Variants in RPRD1B observed in about 807,000 individuals in gnomAD.
The protein encoded by RPRD1B is regulation of nuclear pre-mRNA domain containing 1B.
Under a neutral mutation model 41.5 loss-of-function variants are expected in RPRD1B, and 11 were observed. That is an observed-to-expected ratio of 0.27 (90% CI 0.17 to 0.44). The LOEUF (loss-of-function observed/expected upper bound fraction) is 0.44. Ranked by LOEUF, RPRD1B falls within the 20% of genes least tolerant of loss-of-function variation. The probability of loss-of-function intolerance (pLI) is 1.00; values close to 1 mark genes in which losing one functional copy is unlikely to be tolerated. For missense variants in RPRD1B, 248 were observed against 389.9 expected, an observed-to-expected ratio of 0.64 and a Z score of 3.06; for synonymous variants, 158 against 155.6, an observed-to-expected ratio of 1.02 and a Z score of -0.12.
rs530989828 is a variant in RPRD1B at position 38,038,435 on chromosome 20, A to G, written c.152-2000A>G. Among the ~76,000 whole-genome samples the G allele has an allele frequency of 6.9e-3, 1,022 of 148,808 alleles. 16 individuals are homozygous for G. The highest frequency in any genetic ancestry group is 0.024 in the African/African-American group (952 of 40,254). On this transcript the variant is annotated intron_variant, in intron 1 of 6. Coordinates refer to ENST00000373433, the MANE Select transcript of RPRD1B (RefSeq NM_021215.4). ...AGTGATTCGCCTGCCTCAGCCTCCC[A>G]AGTAGCTGGGTTTACAGGCGCCTGG...
chr20:38,044,859 A>C (rs1430037610), intron 2 of RPRD1B, among the ~76,000 whole-genome samples: 1 of 152,126 alleles, frequency 6.6e-6, no homozygotes, highest in Non-Finnish European at 1.5e-5. Context: ...TACTGTTGGA[A>C]GTGTAGGGAA....
chr20:38,090,082 T>G lies in RPRD1B; in HGVS notation c.*207T>G. 1 of 1,293,788 alleles carries G rather than the reference T, an allele frequency of 7.7e-7. No individual in the cohort carries two copies. Among genetic ancestry groups the G allele is most frequent in the Non-Finnish European group, 9.8e-7 (1 of 1,018,816 alleles). The allele number at this position is 1,293,788 out of a possible 1,614,324, so 80.1% of individuals were successfully genotyped here. On this transcript the variant is annotated 3_prime_UTR_variant, in exon 7 of 7. Transcript: ENST00000373433. ...AGTGGCGACTGGAATCTGGTTTATA[T>G]TCATATTTGCAAAGACTACAGACTT... is the stretch of plus-strand genomic sequence containing the variant.
At chr20:38,078,244 C>T (rs572873801) in intron 6 of RPRD1B, among the ~76,000 whole-genome samples, 1 of 151,636 alleles carries the variant, frequency 6.6e-6, no homozygotes, top group African/African-American at 2.4e-5. Context: ...CCCCTGCTGA[C>T]TTCCTCAGCC....
intron 6 of RPRD1B, among the ~76,000 whole-genome samples, chr20:38,069,280 C>T (rs1279218505): frequency 6.6e-6 from 1 of 151,998 alleles, no homozygotes; most frequent in African/African-American, 2.4e-5. Flanking sequence ...TTTCTTCCCT[C>T]GAGGAAATCA....
At chr20:38,079,847 T>C (rs924458163) in intron 6 of RPRD1B, among the ~76,000 whole-genome samples, 35 of 152,220 alleles carry the variant, frequency 2.3e-4, no homozygotes, top group African/African-American at 8.0e-4. Flanking sequence ...ACTAGCCCTT[T>C]ATAAGTGTTC....
chr20:38,060,651 C>T (rs1220375892), intron 5 of RPRD1B, among the ~76,000 whole-genome samples: 1 of 152,102 alleles, frequency 6.6e-6, no homozygotes, highest in African/African-American at 2.4e-5. Context: ...CAGGGAAAGA[C>T]CTCAGGCAGT....
At chr20:38,086,646 T>C (rs1228552744) in intron 6 of RPRD1B, among the ~76,000 whole-genome samples, 1 of 152,164 alleles carries the variant, frequency 6.6e-6, no homozygotes, top group Admixed American at 6.5e-5. Flanking sequence ...AGCCTTGATG[T>C]TTATTAATCC....
At chr20:38,065,541 T>C (rs2074346127) in intron 5 of RPRD1B, among the ~76,000 whole-genome samples, 1 of 152,214 alleles carries the variant, frequency 6.6e-6, no homozygotes, top group Non-Finnish European at 1.5e-5. Context: ...AGATTACTTA[T>C]CATAGCTAAT....
At chr20:38,057,461 C>T (rs2074254886) in intron 3 of RPRD1B, 71 bp from the exon 4 acceptor site, 5 of 1,005,974 alleles carry the variant, frequency 5.0e-6, no homozygotes, top group African/African-American at 4.7e-5. Context: ...ACATGTGGCC[C>T]ATTGTGCATA....
At chr20:38,041,910 A>G (rs1325555770) in intron 2 of RPRD1B, among the ~76,000 whole-genome samples, 3 of 152,182 alleles carry the variant, frequency 2.0e-5, no homozygotes, top group Non-Finnish European at 4.4e-5. Context: ...CACCTAGTAA[A>G]GTGTCTGGCA....
At position 38,055,816 on chromosome 20, in the gene RPRD1B, T is replaced by G. The variant is rs141502813; in HGVS notation, c.416-1716T>G. Among the ~76,000 whole-genome samples the G allele has an allele frequency of 7.1e-3, 1,081 of 152,298 alleles. 5 individuals are homozygous for G. The highest frequency in any genetic ancestry group is 0.021 in the African/African-American group (864 of 41,566). On this transcript the variant is annotated intron_variant, in intron 3 of 6. Coordinates refer to ENST00000373433, the MANE Select transcript of RPRD1B (RefSeq NM_021215.4). ...TTTGTGTGACCTGCATAACAGGTGT[T>G]CAGTGACCAATCACTGATTGACTTC...
At chr20:38,057,245 C>A (rs1007908506) in intron 3 of RPRD1B, among the ~76,000 whole-genome samples, 1 of 152,124 alleles carries the variant, frequency 6.6e-6, no homozygotes, top group African/African-American at 2.4e-5. Context: ...CCATGAGTTT[C>A]TTACTCAAGT....
rs1475920085 is a variant in RPRD1B at position 38,091,526 on chromosome 20, G to A, written c.*1651G>A. 2.0e-6 allele frequency: 2 copies of A among 985,272 alleles called. No homozygotes were observed. The highest frequency in any genetic ancestry group is 3.5e-5 in the African/African-American group (2 of 57,220). The allele number at this position is 985,272 out of a possible 1,614,324, so 61.0% of individuals were successfully genotyped here. A position where few individuals can be genotyped will look rare whatever the true frequency, so the allele number is the denominator to read the frequency against. ...GGACACTGCCTGTCGTTCTGTCACT[G>A]TTAAATTAATGAGTCTATAAGGTTT... On this transcript the variant is annotated 3_prime_UTR_variant, in exon 7 of 7. Transcript: ENST00000373433.
chr20:38,066,532 T>G (rs2074358143), intron 6 of RPRD1B, among the ~76,000 whole-genome samples: 1 of 152,220 alleles, frequency 6.6e-6, no homozygotes, highest in Non-Finnish European at 1.5e-5. Context: ...TCGTTTGAAC[T>G]CATGTTTTTA....
At chr20:38,050,311 G>A (rs1039712762) in intron 3 of RPRD1B, among the ~76,000 whole-genome samples, 1 of 152,200 alleles carries the variant, frequency 6.6e-6, no homozygotes, top group Admixed American at 6.5e-5. Flanking sequence ...GGTCATTGTT[G>A]TTTTACTTGG....
At chr20:38,059,266 AC>A in intron 4 of RPRD1B, 127 bp from the exon 5 acceptor site, 1 of 957,960 alleles carries the variant, frequency 1.0e-6, no homozygotes, top group South Asian at 1.8e-5. Flanking sequence ...GGGGCTAAGA[AC>A]AGTTTTTTTT....
In RPRD1B at chr20:38,048,433, C is replaced by G; in HGVS notation, c.367C>G (p.Gln123Glu). 6.2e-7 allele frequency: 1 copy of G among 1,613,890 alleles called. No homozygotes were observed. Among genetic ancestry groups the G allele is most frequent in the Non-Finnish European group, 8.5e-7 (1 of 1,179,808 alleles). Residue 123 changes from glutamine to glutamate, a missense_variant, in exon 3 of 7, where the codon CAG becomes GAG. Physicochemically the swap from Gln to Glu is conservative, Grantham distance 29. Coordinates refer to ENST00000373433, the MANE Select transcript of RPRD1B (RefSeq NM_021215.4). ...ERSVYGGEFI[Q>E]QLKLSMEDSK... ...AAGTGTGTATGGCGGCGAGTTCATA[C>G]AGCAGCTGAAGCTGTCTATGGAGGA...
intron 6 of RPRD1B, among the ~76,000 whole-genome samples, chr20:38,080,296 A>G (rs1422935315): frequency 2.6e-5 from 4 of 152,156 alleles, no homozygotes; most frequent in Non-Finnish European, 5.9e-5. Context: ...CCGGCATGGT[A>G]TTTCCTAGGT....
chr20:38,091,830 A>C lies in RPRD1B; in HGVS notation c.*1955A>C. On this transcript the variant is annotated 3_prime_UTR_variant, in exon 7 of 7. Transcript: ENST00000373433. Reference sequence around the variant, plus strand: ...TTAGCCCACTGCTCTGTTTTATCCAACTGAGTCTCTGACCAGCAATTGGTG... The same window carrying C: ...TTAGCCCACTGCTCTGTTTTATCCACCTGAGTCTCTGACCAGCAATTGGTG... 1.0e-6 allele frequency: 1 copy of C among 985,878 alleles called. No individual in the cohort carries two copies. 61.1% of individuals were successfully genotyped at this position (985,878 alleles called of 1,614,324 possible). A position where few individuals can be genotyped will look rare whatever the true frequency, so the allele number is the denominator to read the frequency against.
Sources: gnomAD v4.1 joint callset for allele counts (sites outside exome capture counted in the v4.1 genomes callset) on GRCh38, gnomAD v4.1.1 for gene constraint, MANE v1.5 for transcripts, NCBI Gene and HGNC (gene_info 2026-07-23, HGNC 2026-07-21) for gene names.